Variants in DCP1B observed in about 807,000 individuals in gnomAD.
DCP1B encodes the protein mRNA-decapping enzyme 1B.
A neutral mutation model predicts 60.5 loss-of-function variants in DCP1B; 47 were observed. That is an observed-to-expected ratio of 0.78 (90% CI 0.61 to 0.99). DCP1B has a LOEUF of 0.99. Ranked by LOEUF, DCP1B falls within the 50% of genes least tolerant of loss-of-function variation. The pLI, the probability that DCP1B is intolerant of heterozygous loss-of-function variation, is 0.00. For synonymous variants in DCP1B, 267 were observed against 280.3 expected (o/e 0.95, Z 0.47); for missense variants, 725 against 756.8 (o/e 0.96, Z 0.49).
At chr12:1,950,519 G>A in intron 7 of DCP1B, 1 of 664,194 alleles carries the variant, frequency 1.5e-6, no homozygotes, top group Admixed American at 2.2e-5. Flanking sequence ...GGGAGTGGGA[G>A]TTATAAATAT....
chr12:1,996,262 A>G (rs903897947), intron 2 of DCP1B, among the ~76,000 whole-genome samples: 1 of 152,112 alleles, frequency 6.6e-6, no homozygotes, highest in South Asian at 2.1e-4. Context: ...AGCCTTCAAT[A>G]ACTTCCTACT....
chr12:1,944,886 T>C (rs1022865029), downstream of DCP1B, among the ~76,000 whole-genome samples: 1 of 152,178 alleles, frequency 6.6e-6, no homozygotes, highest in African/African-American at 2.4e-5. Context: ...AAAGACTTCA[T>C]GACTAAAACA....
At position 1,997,997 on chromosome 12, in the gene DCP1B, CACAAG is replaced by C. The variant is rs371788766; in HGVS notation, c.151-27_151-23del. 1,584 of 1,600,684 alleles carry C rather than the reference CACAAG, an allele frequency of 9.9e-4. 15 individuals carry two copies. The African/African-American group carries it at 0.018, about 18-fold the overall frequency. Reference sequence around the variant, plus strand: ...TCTCCTAAACAATAAAAACAAAACACACAAGACATGTATGTTCTCTTCAATTCACA... The same window carrying C: ...TCTCCTAAACAATAAAAACAAAACACACATGTATGTTCTCTTCAATTCACA... On this transcript the variant is annotated intron_variant, in intron 1 of 8. Coordinates refer to ENST00000280665, the MANE Select transcript of DCP1B (RefSeq NM_152640.5).
intron 3 of DCP1B, among the ~76,000 whole-genome samples, chr12:1,987,091 C>T (rs568615806): frequency 7.9e-5 from 12 of 152,200 alleles, no homozygotes; most frequent in African/African-American, 2.4e-4. Context: ...ACTATTACCA[C>T]GCATGCTTAA....
chr12:1,988,102 AT>A (rs2038322875), intron 3 of DCP1B, among the ~76,000 whole-genome samples: 1 of 152,182 alleles, frequency 6.6e-6, no homozygotes, highest in Admixed American at 6.5e-5. Flanking sequence ...TTCCTGGATG[AT>A]TTGTATATCA....
intron 3 of DCP1B, among the ~76,000 whole-genome samples, chr12:1,970,253 GA>G (rs1329955408): frequency 2.0e-5 from 3 of 152,182 alleles, no homozygotes; most frequent in Non-Finnish European, 2.9e-5. Flanking sequence ...AGGAAAGATT[GA>G]GTTTGCAGTA....
intron 2 of DCP1B, among the ~76,000 whole-genome samples, 180 bp from the exon 3 acceptor site, chr12:1,993,571 TGCA>T (rs993680980): frequency 2.6e-5 from 4 of 152,064 alleles, no homozygotes; most frequent in Admixed American, 1.3e-4. Flanking sequence ...TCCCATGTAA[TGCA>T]GCAGCACTGG....
Position 1,952,872 on chromosome 12 carries a change from G to C in DCP1B, c.1068C>G (p.Phe356Leu), listed in dbSNP as rs768401152. The C allele has an allele frequency of 3.7e-6, 6 of 1,614,000 alleles. No homozygotes were observed. Among genetic ancestry groups the C allele is most frequent in the African/African-American group, 1.3e-5 (1 of 74,922 alleles). Residue 356 changes from phenylalanine to leucine, a missense_variant, in exon 7 of 9, where the codon TTC becomes TTG. Coordinates refer to ENST00000280665, the MANE Select transcript of DCP1B (RefSeq NM_152640.5). The stretch of plus-strand genomic sequence containing the variant: ...CCCCTGGGGTACTCTGAAGTTTCTC[G>C]AACAGGTTCTGAGTTCTGGAAGCAT... ...VQNASRTQNL[F>L]EKLQSTPGAA...
chr12:1,946,432 G>A (rs1300447404), intron 8 of DCP1B, 146 bp from the exon 9 acceptor site: 3 of 599,854 alleles, frequency 5.0e-6, no homozygotes, highest in African/African-American at 1.9e-5. Flanking sequence ...AATTGCATGT[G>A]TGAATGTTAA....
chr12:1,966,593 C>T (rs539813311), intron 4 of DCP1B, among the ~76,000 whole-genome samples: 1 of 152,224 alleles, frequency 6.6e-6, no homozygotes, highest in Admixed American at 6.5e-5. Context: ...ATTTCCTGCC[C>T]GAGCTGTTAG....
chr12:1,972,445 A>G (rs1254456564), intron 3 of DCP1B, among the ~76,000 whole-genome samples: 1 of 152,234 alleles, frequency 6.6e-6, no homozygotes, highest in Non-Finnish European at 1.5e-5. Context: ...GTACACATGC[A>G]CACACAGCTA....
At position 1,996,635 on chromosome 12, in the gene DCP1B, A is replaced by C. The variant is rs1052977142; in HGVS notation, c.191+1300T>G. 4.5e-4 allele frequency among the ~76,000 whole-genome samples: 47 copies of C among 103,608 alleles called. 1 individual carries two copies. Among genetic ancestry groups the C allele is most frequent in the African/African-American group, 1.4e-3 (36 of 26,230 alleles). 68.0% of individuals were successfully genotyped at this position (103,608 alleles called of 152,430 possible). A position where few individuals can be genotyped will look rare whatever the true frequency, so the allele number is the denominator to read the frequency against. On this transcript the variant is annotated intron_variant, in intron 2 of 8. Transcript: ENST00000280665. ...ATGAGCTAAAAAAAAAAAAAAAAAA[A>C]AAAAAAAAAAAAAAAAAAAACAACA...
chr12:1,961,733 A>G (rs1681259499), intron 5 of DCP1B, among the ~76,000 whole-genome samples: 1 of 152,234 alleles, frequency 6.6e-6, no homozygotes, highest in African/African-American at 2.4e-5. Context: ...CTCCACGTAA[A>G]AAGTGTCATT....
At position 1,962,324 on chromosome 12, in the gene DCP1B, A is replaced by T. The variant is rs902941357; in HGVS notation, c.522+3234T>A. 2.6e-5 allele frequency among the ~76,000 whole-genome samples: 4 copies of T among 152,182 alleles called. No individual in the cohort carries two copies. Among genetic ancestry groups the T allele is most frequent in the Admixed American group, 1.3e-4 (2 of 15,276 alleles). ...CTGGCCAAGCCCTTTGCTATCTCTGAACACTGGCTGGTCACAGGAGGGGCA... is the reference window on the plus strand; with the variant it reads ...CTGGCCAAGCCCTTTGCTATCTCTGTACACTGGCTGGTCACAGGAGGGGCA... On this transcript the variant is annotated intron_variant, in intron 5 of 8. Coordinates refer to ENST00000280665, the MANE Select transcript of DCP1B (RefSeq NM_152640.5). The surrounding 1 kb of genome is among the most constrained non-coding windows in gnomAD (Gnocchi z 4.4).
At chr12:1,995,663 C>T (rs1350011982) in intron 2 of DCP1B, among the ~76,000 whole-genome samples, 5 of 152,252 alleles carry the variant, frequency 3.3e-5, no homozygotes, top group Non-Finnish European at 7.3e-5. Flanking sequence ...ACACAGACCT[C>T]CATCATGCCC....
At chr12:1,977,763 T>C (rs2034880333) in intron 3 of DCP1B, among the ~76,000 whole-genome samples, 1 of 152,236 alleles carries the variant, frequency 6.6e-6, no homozygotes, top group African/African-American at 2.4e-5. Context: ...CTAAGTATAG[T>C]GAGCAATATT....
At chr12:1,949,769 C>G (rs1046125741) in intron 7 of DCP1B, among the ~76,000 whole-genome samples, 2 of 152,212 alleles carry the variant, frequency 1.3e-5, no homozygotes, top group Non-Finnish European at 2.9e-5. Flanking sequence ...AGAGCAACTC[C>G]CCGCCCCTCC....
intron 5 of DCP1B, among the ~76,000 whole-genome samples, chr12:1,956,231 T>A (rs2030881294): frequency 6.6e-6 from 1 of 152,176 alleles, no homozygotes; most frequent in Admixed American, 6.5e-5. Context: ...AACCATGCAA[T>A]TGCTAACACA....
At chr12:1,991,666 T>C (rs2039462473) in intron 3 of DCP1B, 1 of 175,054 alleles carries the variant, frequency 5.7e-6, no homozygotes. Flanking sequence ...ACTATCATAG[T>C]GGACAGCACA....
Sources: gnomAD v4.1 joint callset for allele counts (sites outside exome capture counted in the v4.1 genomes callset) on GRCh38, gnomAD v4.1.1 for gene constraint, Gnocchi (gnomAD v3.1) non-coding constraint, MANE v1.5 for transcripts, NCBI Gene and HGNC (gene_info 2026-07-23, HGNC 2026-07-21) for gene names.